SULT2B1: variants seen among roughly 807,000 people sequenced by gnomAD.
SULT2B1 encodes the protein sulfotransferase family 2B member 1.
SULT2B1 carries 16 observed loss-of-function variants against 33.2 expected under a neutral mutation model. That is an observed-to-expected ratio of 0.48 (90% CI 0.33 to 0.73). The LOEUF (loss-of-function observed/expected upper bound fraction) is 0.73, where lower values mean the gene tolerates loss of function less well. SULT2B1 is among the 30% of genes least tolerant of loss of function. The pLI is 0.02. For synonymous variants in SULT2B1, 186 were observed against 200.5 expected (o/e 0.93, Z 0.61); for missense variants, 500 against 506.0 (o/e 0.99, Z 0.11).
At chr19:48,574,061 T>C (rs938265169) in intron 1 of SULT2B1, among the ~76,000 whole-genome samples, 28 of 152,128 alleles carry the variant, frequency 1.8e-4, no homozygotes, top group African/African-American at 6.0e-4. Flanking sequence ...GTGTTCTCGC[T>C]ATGTTGCTCA....
intron 2 of SULT2B1, among the ~76,000 whole-genome samples, chr19:48,578,869 CT>C (rs1973448396): frequency 6.6e-6 from 1 of 151,950 alleles, no homozygotes; most frequent in Non-Finnish European, 1.5e-5. Context: ...GGGCAAGACC[CT>C]GTCTCAAAAA....
intron 3 of SULT2B1, among the ~76,000 whole-genome samples, chr19:48,589,316 G>A (rs1973612340): frequency 6.6e-6 from 1 of 151,894 alleles, no homozygotes; most frequent in Admixed American, 6.6e-5. Context: ...GGAAGGGGAG[G>A]AGGGAGGGGA....
chr19:48,560,231 G>T (rs1362861010), intron 1 of SULT2B1, among the ~76,000 whole-genome samples: 1 of 152,296 alleles, frequency 6.6e-6, no homozygotes, highest in African/African-American at 2.4e-5. Flanking sequence ...CAAGGGAGGG[G>T]ATGGGTGAGG....
intron 2 of SULT2B1, among the ~76,000 whole-genome samples, chr19:48,578,532 C>G (rs1462744477): frequency 6.6e-6 from 1 of 151,664 alleles, no homozygotes; most frequent in Non-Finnish European, 1.5e-5. Flanking sequence ...CAGTGAGACG[C>G]GTTCACCCCA....
chr19:48,591,838 A>G (rs1973647707), intron 4 of SULT2B1, 103 bp downstream of exon 4: 2 of 1,362,906 alleles, frequency 1.5e-6, no homozygotes, highest in African/African-American at 2.9e-5. Flanking sequence ...AGAGACAGAG[A>G]CACAGGGCAT....
chr19:48,572,202 T>C (rs1973340287), intron 1 of SULT2B1, among the ~76,000 whole-genome samples: 2 of 152,120 alleles, frequency 1.3e-5, no homozygotes, highest in African/African-American at 2.4e-5. Context: ...GCTATTGGTC[T>C]AGAAGGTCTG....
chr19:48,586,629 T>C (rs1412183072), intron 2 of SULT2B1, among the ~76,000 whole-genome samples: 2 of 151,712 alleles, frequency 1.3e-5, no homozygotes, highest in Non-Finnish European at 2.9e-5. Context: ...AGCAGAAAAA[T>C]GAAATGGGGT....
intron 6 of SULT2B1, 113 bp downstream of exon 6, chr19:48,597,032 G>A: frequency 1.7e-6 from 2 of 1,197,036 alleles, no homozygotes; most frequent in Non-Finnish European, 2.3e-6. Flanking sequence ...AACATTGGGT[G>A]AACAGGGTCA....
At chr19:48,576,133 T>G (rs1973403203) in intron 2 of SULT2B1, 50 bp downstream of exon 2, 3 of 1,476,974 alleles carry the variant, frequency 2.0e-6, no homozygotes, top group Admixed American at 1.7e-5. Flanking sequence ...GGGGAGGGGG[T>G]GCGGCAGAGG....
In SULT2B1 at chr19:48,570,677, G is replaced by A. The variant is rs1261771687; in HGVS notation, c.72-5264G>A. 2.6e-5 allele frequency among the ~76,000 whole-genome samples: 4 copies of A among 152,066 alleles called. No individual in the cohort carries two copies. In the East Asian group the frequency reaches 5.8e-4, roughly 22 times the overall value. ...TCCATTTCTCTTGGACAAACACCCA[G>A]AAGGGAGAGTGACTCTGGTTTTTGC... is the stretch of plus-strand genomic sequence containing the variant. On this transcript the variant is annotated intron_variant, in intron 1 of 6. Transcript: ENST00000201586.
intron 1 of SULT2B1, among the ~76,000 whole-genome samples, chr19:48,567,674 T>A (rs956898447): frequency 1.3e-5 from 2 of 151,712 alleles, no homozygotes; most frequent in African/African-American, 4.8e-5. Context: ...AAGGCAGATT[T>A]AAAGAAGGCA....
chr19:48,567,996 G>T (rs189554920), intron 1 of SULT2B1, among the ~76,000 whole-genome samples: 3 of 151,730 alleles, frequency 2.0e-5, no homozygotes, highest in Non-Finnish European at 2.9e-5. Flanking sequence ...AATAAGCAGG[G>T]CACGGTGGCT....
At chr19:48,571,844 A>G (rs971999042) in intron 1 of SULT2B1, among the ~76,000 whole-genome samples, 27 of 152,002 alleles carry the variant, frequency 1.8e-4, no homozygotes, top group Admixed American at 1.7e-3. Context: ...CCCTCATGAT[A>G]AGGGGTGACA....
At chr19:48,553,094 C>A (rs913544851) in intron 1 of SULT2B1, among the ~76,000 whole-genome samples, 6 of 152,062 alleles carry the variant, frequency 3.9e-5, no homozygotes, top group African/African-American at 1.4e-4. Flanking sequence ...CTCCCCGTGG[C>A]TCCATCTTTT....
chr19:48,597,243 C>T (rs1194606372), intron 6 of SULT2B1, among the ~76,000 whole-genome samples: 1 of 152,090 alleles, frequency 6.6e-6, no homozygotes, highest in African/African-American at 2.4e-5. Flanking sequence ...AATACTCAAG[C>T]CCTGGGTTAC....
chr19:48,585,340 T>G (rs916937213), intron 2 of SULT2B1, among the ~76,000 whole-genome samples: 9 of 152,054 alleles, frequency 5.9e-5, no homozygotes, highest in Admixed American at 4.6e-4. Flanking sequence ...CCCTTTCCAC[T>G]AGGTAACATT....
chr19:48,558,906 A>G (rs8113355), intron 1 of SULT2B1, among the ~76,000 whole-genome samples: 51,628 of 151,406 alleles, frequency 0.34, 9,420 homozygotes, highest in African/African-American at 0.47. Context: ...GGCTTGTCTC[A>G]AACTCCTGAC....
At chr19:48,579,644 TC>T (rs1973460615) in intron 2 of SULT2B1, among the ~76,000 whole-genome samples, 1 of 144,732 alleles carries the variant, frequency 6.9e-6, no homozygotes, top group South Asian at 2.2e-4. Context: ...CTCGCTCTTG[TC>T]CCCCAGGCTG....
chr19:48,591,549 G>A, intron 3 of SULT2B1, 60 bp from the exon 4 acceptor site: 1 of 1,557,964 alleles, frequency 6.4e-7, no homozygotes, highest in Non-Finnish European at 8.7e-7. Flanking sequence ...GGAGGCCTCA[G>A]GGGCTGGGGT....
Sources: gnomAD v4.1 joint callset for allele counts (sites outside exome capture counted in the v4.1 genomes callset) on GRCh38, gnomAD v4.1.1 for gene constraint, MANE v1.5 for transcripts, NCBI Gene and HGNC (gene_info 2026-07-23, HGNC 2026-07-21) for gene names.